Variants in BTAF1 observed in about 807,000 individuals in gnomAD.
BTAF1 encodes the protein TATA-binding protein-associated factor 172.
In BTAF1, 38 loss-of-function variants were observed where a neutral mutation model predicts 227.1. That is an observed-to-expected ratio of 0.17 (90% CI 0.13 to 0.22). BTAF1 has a LOEUF of 0.22. Ranked by LOEUF, BTAF1 falls within the 10% of genes least tolerant of loss-of-function variation. The probability of loss-of-function intolerance (pLI) is 1.00; values close to 1 mark genes in which losing one functional copy is unlikely to be tolerated. For synonymous variants in BTAF1, 742 were observed against 751.9 expected, an observed-to-expected ratio of 0.99 and a Z score of 0.21; for missense variants, 1,598 against 2,204.0, an observed-to-expected ratio of 0.73 and a Z score of 5.51.
At chr10:91,994,877 G>A (rs111447353) in intron 23 of BTAF1, among the ~76,000 whole-genome samples, 9 of 152,284 alleles carry the variant, frequency 5.9e-5, no homozygotes, top group African/African-American at 2.2e-4. Context: ...GAATGTGGGG[G>A]CATTGAGGAA....
intron 20 of BTAF1, among the ~76,000 whole-genome samples, chr10:91,990,802 ATAAT>A (rs1353024315): frequency 2.0e-5 from 3 of 151,456 alleles, no homozygotes; most frequent in African/African-American, 4.9e-5. Flanking sequence ...TCAAAAAATA[ATAAT>A]TAATTAATTA....
chr10:91,972,024 T>A (rs1031924669), intron 14 of BTAF1, among the ~76,000 whole-genome samples: 2 of 152,232 alleles, frequency 1.3e-5, no homozygotes, highest in African/African-American at 4.8e-5. Flanking sequence ...ATAAAAATTA[T>A]CATCCTTTCT....
intron 5 of BTAF1, 148 bp downstream of exon 5, chr10:91,951,714 C>G (rs1845773242): frequency 8.3e-6 from 7 of 841,640 alleles, no homozygotes; most frequent in Middle Eastern, 7.6e-4. Flanking sequence ...CTTTTTTTAA[C>G]TGGATTTCTG....
chr10:91,924,017 T>G lies in BTAF1; in HGVS notation c.-60T>G, dbSNP rs1293359436. 6.3e-7 allele frequency: 1 copy of G among 1,583,666 alleles called. No homozygotes were observed. The highest frequency in any genetic ancestry group is 1.2e-5 in the South Asian group (1 of 86,590). On this transcript the variant is annotated 5_prime_UTR_variant, in exon 1 of 38. Coordinates refer to ENST00000265990, the MANE Select transcript of BTAF1 (RefSeq NM_003972.3). ...CTGCGCCGCTCAGCTCTCTGGAAAC[T>G]AGCGCCTCAGCTGCGCGGCGCGTAG...
At position 91,992,234 on chromosome 10, in the gene BTAF1, C is replaced by T. The variant is rs151057472; in HGVS notation, c.2970C>T (p.Thr990=). Residue 990 remains threonine (T), a synonymous_variant, in exon 21 of 38, where the codon ACC becomes ACT. Transcript: ENST00000265990. ...AFAITSRRGP[T]PKAVKAQIAD... ...CTATCACAAGTAGGCGAGGTCCTACCCCCAAAGCAGTAAAAGCTCAAATAG... is the reference window on the plus strand; with the variant it reads ...CTATCACAAGTAGGCGAGGTCCTACTCCCAAAGCAGTAAAAGCTCAAATAG... 1.8e-4 allele frequency: 298 copies of T among 1,613,850 alleles called. No individual in the cohort carries two copies. The African/African-American group carries it at 3.3e-3, about 18-fold the overall frequency.
intron 24 of BTAF1, chr10:91,997,202 A>T (rs1345903454): frequency 8.1e-7 from 1 of 1,233,126 alleles, no homozygotes; most frequent in Non-Finnish European, 1.1e-6. Context: ...GTGATTGTCA[A>T]GATCCTGGTG....
chr10:92,008,782 AAAT>A, intron 26 of BTAF1, 44 bp from the exon 27 acceptor site: 5 of 1,488,576 alleles, frequency 3.4e-6, no homozygotes, highest in Admixed American at 2.2e-5. Context: ...TTATAAGAAA[AAAT>A]AAATTTATGA....
chr10:91,977,266 A>C (rs1315373458), intron 14 of BTAF1, among the ~76,000 whole-genome samples: 4 of 152,186 alleles, frequency 2.6e-5, no homozygotes, highest in Admixed American at 6.5e-5. Flanking sequence ...AGTCTCCGGA[A>C]GGCAGATCAG....
intron 8 of BTAF1, among the ~76,000 whole-genome samples, chr10:91,958,566 G>A (rs530320482): frequency 0.013 from 1,991 of 152,182 alleles, 35 homozygotes; most frequent in Non-Finnish European, 0.016. Context: ...GCCGGGCGTG[G>A]TGGCGGGCGC....
intron 12 of BTAF1, among the ~76,000 whole-genome samples, chr10:91,963,154 C>T (rs1287553112): frequency 6.6e-6 from 1 of 151,974 alleles, no homozygotes; most frequent in Non-Finnish European, 1.5e-5. Context: ...GTCACCCAGG[C>T]CAGAGTGCAG....
At chr10:91,930,571 A>G (rs1050498565) in intron 1 of BTAF1, among the ~76,000 whole-genome samples, 3 of 152,324 alleles carry the variant, frequency 2.0e-5, no homozygotes, top group African/African-American at 7.2e-5. Flanking sequence ...ACAACATAAC[A>G]TTAACATAGT....
rs1206825069 is a variant in BTAF1, at chr10:92,025,443, TA to T, written c.5075+486del. ...AAATCTCAGTGGTTGCTTTTTTTTT[TA>T]AAAAAAAAATGCAGATTCCTAGGTT... On this transcript the variant is annotated intron_variant, in intron 35 of 37. Transcript: ENST00000265990. Among the ~76,000 whole-genome samples, 1,169 of 147,966 alleles carry T rather than the reference TA, an allele frequency of 7.9e-3. 17 individuals carry two copies. Among genetic ancestry groups the T allele is most frequent in the African/African-American group, 0.027 (1,092 of 40,420 alleles).
intron 11 of BTAF1, among the ~76,000 whole-genome samples, chr10:91,960,859 G>T (rs1293802114): frequency 3.3e-5 from 5 of 152,014 alleles, no homozygotes; most frequent in African/African-American, 1.2e-4. Flanking sequence ...CCCTTAGTGG[G>T]TTATTAAAAA....
intron 1 of BTAF1, among the ~76,000 whole-genome samples, chr10:91,930,066 A>T (rs1844170173): frequency 6.6e-6 from 1 of 152,142 alleles, no homozygotes; most frequent in Non-Finnish European, 1.5e-5. Context: ...TTATTTTAAA[A>T]ATTTTTTAAT....
At chr10:91,937,654 T>A (rs531418375) in intron 2 of BTAF1, among the ~76,000 whole-genome samples, 11 of 152,362 alleles carry the variant, frequency 7.2e-5, no homozygotes, top group Admixed American at 7.2e-4. Flanking sequence ...ATTGTGTGGA[T>A]ATACATGTGT....
chr10:92,022,542 C>T (rs1311352317), intron 34 of BTAF1, among the ~76,000 whole-genome samples: 1 of 152,074 alleles, frequency 6.6e-6, no homozygotes, highest in East Asian at 1.9e-4. Context: ...CTCAGCCTCC[C>T]AAGTAACTAG....
At chr10:91,994,690 GGTCTTATTAAAAA>G (rs1312859413) in intron 23 of BTAF1, 46 bp downstream of exon 23, 2 of 1,493,146 alleles carry the variant, frequency 1.3e-6, no homozygotes, top group African/African-American at 2.8e-5. Context: ...TAAAACAAGT[GGTCTTATTAAAAA>G]GTCTTAAGGT....
rs752193214 is a variant in BTAF1, at chr10:91,993,671, TTTATCTAACATTTA to T, written c.3046-22_3046-9del. The T allele has an allele frequency of 4.9e-6, 7 of 1,419,860 alleles. No homozygotes were observed. In the East Asian group the frequency reaches 1.7e-4, roughly 35 times the overall value. 88.0% of individuals were successfully genotyped at this position (1,419,860 alleles called of 1,614,324 possible). A position where few individuals can be genotyped will look rare whatever the true frequency, so the allele number is the denominator to read the frequency against. ...TTATGATTTTTTCTGAAATTCTGTTTTTATCTAACATTTAATTTTAAGGCCCAGAAGCCTTACCT... is the reference window on the plus strand; with the variant it reads ...TTATGATTTTTTCTGAAATTCTGTTTATTTTAAGGCCCAGAAGCCTTACCT... On this transcript the variant is annotated splice_polypyrimidine_tract_variant and intron_variant, in intron 21 of 37. Transcript: ENST00000265990.
chr10:91,927,581 T>C (rs1022916111), intron 1 of BTAF1, among the ~76,000 whole-genome samples: 1 of 152,190 alleles, frequency 6.6e-6, no homozygotes, highest in African/African-American at 2.4e-5. Context: ...GATTTTTCCA[T>C]GCTCAGAATG....
Sources: allele counts gnomAD v4.1 joint callset (sites outside exome capture counted in the v4.1 genomes callset), GRCh38; gene constraint gnomAD v4.1.1; transcripts MANE v1.5; gene names NCBI Gene and HGNC (gene_info 2026-07-23, HGNC 2026-07-21).